SWT1: variants seen among roughly 807,000 people sequenced by gnomAD.
SWT1 encodes the protein SWT1 RNA endoribonuclease homolog.
Under a neutral mutation model 107.3 loss-of-function variants are expected in SWT1, and 33 were observed. That is an observed-to-expected ratio of 0.31 (90% confidence interval 0.23 to 0.41). The LOEUF (loss-of-function observed/expected upper bound fraction) is 0.41, where lower values mean the gene tolerates loss of function less well. SWT1 is among the 10% of genes least tolerant of loss of function. SWT1 has a pLI of 1.00. For missense variants in SWT1, 898 were observed against 1,028.9 expected (o/e 0.87, Z 1.74); for synonymous variants, 345 against 348.3 (o/e 0.99, Z 0.11).
intron 1 of SWT1, among the ~76,000 whole-genome samples, chr1:185,159,695 A>T (rs1261025866): frequency 6.6e-6 from 1 of 152,022 alleles, no homozygotes; most frequent in African/African-American, 2.4e-5. Flanking sequence ...ATGTATATGT[A>T]CATATATATA....
chr1:185,290,670 C>T lies in SWT1; in HGVS notation c.2574-4C>T, dbSNP rs1204113499. ...CAATGATTTAATATTTCTTTTTCTC[C>T]TAGGGAAAAGTTAACCATTGGATGC... is the stretch of plus-strand genomic sequence containing the variant. On this transcript the variant is annotated splice_region_variant and splice_polypyrimidine_tract_variant and intron_variant, in intron 18 of 18. Coordinates refer to ENST00000367500, the MANE Select transcript of SWT1 (RefSeq NM_017673.7). The T allele has an allele frequency of 5.1e-6, 8 of 1,556,698 alleles. No individual in the cohort carries two copies. The East Asian group carries it at 1.4e-4, about 27-fold the overall frequency.
chr1:185,266,762 T>C (rs989399990), intron 16 of SWT1: 8 of 152,140 alleles, frequency 5.3e-5, no homozygotes, highest in Non-Finnish European at 1.2e-4. Flanking sequence ...TAATGCTAAT[T>C]GTTCATGGAT....
chr1:185,207,723 A>G (rs1408238026), intron 13 of SWT1, among the ~76,000 whole-genome samples: 1 of 151,962 alleles, frequency 6.6e-6, no homozygotes, highest in Non-Finnish European at 1.5e-5. Context: ...GCAACATGGT[A>G]AAACTCCCTT....
At chr1:185,170,368 T>C (rs1654942538) in intron 4 of SWT1, among the ~76,000 whole-genome samples, 1 of 152,200 alleles carries the variant, frequency 6.6e-6, no homozygotes, top group Admixed American at 6.5e-5. Flanking sequence ...TTCTCTAGCC[T>C]TTGTACGCAC....
At chr1:185,269,953 G>A (rs1454742137) in intron 16 of SWT1, among the ~76,000 whole-genome samples, 3 of 152,116 alleles carry the variant, frequency 2.0e-5, no homozygotes, top group Non-Finnish European at 4.4e-5. Flanking sequence ...TGGGTTTATC[G>A]GGGTGTATCC....
chr1:185,240,804 G>A (rs955493172), intron 16 of SWT1, among the ~76,000 whole-genome samples: 2 of 151,944 alleles, frequency 1.3e-5, no homozygotes, highest in African/African-American at 4.8e-5. Flanking sequence ...GGTTTTTTGG[G>A]TGTGATTTGC....
At chr1:185,236,851 C>G (rs1014707156) in intron 16 of SWT1, among the ~76,000 whole-genome samples, 6 of 151,904 alleles carry the variant, frequency 3.9e-5, no homozygotes, top group African/African-American at 1.5e-4. Flanking sequence ...ATACAAAGAA[C>G]TTAAATAGAT....
chr1:185,236,373 A>AT (rs1660876294), intron 16 of SWT1, among the ~76,000 whole-genome samples: 1 of 152,230 alleles, frequency 6.6e-6, no homozygotes, highest in Non-Finnish European at 1.5e-5. Context: ...AAACAGAGAC[A>AT]TAGACCAATG....
At chr1:185,160,798 A>G (rs1213768021) in intron 1 of SWT1, 35 bp from the exon 2 acceptor site, 2 of 1,507,524 alleles carry the variant, frequency 1.3e-6, no homozygotes, top group Admixed American at 4.0e-5. Context: ...TTTTGAGTGC[A>G]AAAACAAATC....
At chr1:185,219,417 C>G (rs1198484629) in intron 14 of SWT1, among the ~76,000 whole-genome samples, 1 of 152,056 alleles carries the variant, frequency 6.6e-6, no homozygotes, top group Non-Finnish European at 1.5e-5. Flanking sequence ...AAGTACATAA[C>G]AAATGCTCAA....
intron 7 of SWT1, 164 bp downstream of exon 7, chr1:185,182,221 T>A (rs1182437539): frequency 2.0e-5 from 6 of 305,272 alleles, no homozygotes; most frequent in African/African-American, 1.1e-4. Context: ...TTAGATCCAA[T>A]ATTTGTCTTA....
At chr1:185,235,769 G>T (rs913365257) in intron 16 of SWT1, among the ~76,000 whole-genome samples, 26 of 152,302 alleles carry the variant, frequency 1.7e-4, no homozygotes, top group African/African-American at 5.3e-4. Flanking sequence ...AATTGTCTCC[G>T]TTTGCAGATG....
At chr1:185,204,259 A>G (rs1658125760) in intron 11 of SWT1, among the ~76,000 whole-genome samples, 1 of 152,114 alleles carries the variant, frequency 6.6e-6, no homozygotes, top group Non-Finnish European at 1.5e-5. Flanking sequence ...CCTGGGCAAC[A>G]GAGCGAGACT....
intron 4 of SWT1, among the ~76,000 whole-genome samples, chr1:185,174,016 G>A (rs891704464): frequency 1.3e-5 from 2 of 151,942 alleles, no homozygotes; most frequent in African/African-American, 4.8e-5. Context: ...GTGAGAACCC[G>A]TCTCAAAAAA....
At chr1:185,198,991 A>T (rs1657642694) in intron 10 of SWT1, among the ~76,000 whole-genome samples, 2 of 147,690 alleles carry the variant, frequency 1.4e-5, no homozygotes, top group Admixed American at 1.4e-4. Flanking sequence ...AGCCTGGAGT[A>T]CAGTGGTGAG....
At chr1:185,216,437 C>T (rs2102507262) in intron 14 of SWT1, among the ~76,000 whole-genome samples, 1 of 152,032 alleles carries the variant, frequency 6.6e-6, no homozygotes, top group Admixed American at 6.5e-5. Flanking sequence ...ATGGAAAGTG[C>T]AAGATACTTA....
In SWT1 at chr1:185,174,399, A is replaced by G. The variant is rs966175917; in HGVS notation, c.252A>G (p.Arg84=). 55 of 1,577,958 alleles carry G rather than the reference A, an allele frequency of 3.5e-5. No homozygotes were observed. The highest frequency in any genetic ancestry group is 4.6e-5 in the Non-Finnish European group (54 of 1,167,504). Residue 84 remains arginine (R), a synonymous_variant, in exon 5 of 19, where the codon AGA becomes AGG. Coordinates refer to ENST00000367500, the MANE Select transcript of SWT1 (RefSeq NM_017673.7). ...TGAGTGTAGAAATTGACACTCTCAG[A>G]AGGAGACCAAAAATCGGTTCTTCAT... The part of the protein sequence containing the change: ...KRLSVEIDTL[R]RRPKIGSSSQ...
rs1293849398 is a variant in SWT1, at chr1:185,194,421, T to C, written c.1523+3779T>C. Among the ~76,000 whole-genome samples the C allele has an allele frequency of 2.0e-5, 3 of 152,180 alleles. No individual in the cohort carries two copies. The South Asian group carries it at 6.2e-4, about 31-fold the overall frequency. On this transcript the variant is annotated intron_variant, in intron 10 of 18. Transcript: ENST00000367500. Reference sequence around the variant, plus strand: ...TTTGTCCCCATTATTTACTTATTTATACTTTTTTGAAAAAAACTTCTTATG... The same window carrying C: ...TTTGTCCCCATTATTTACTTATTTACACTTTTTTGAAAAAAACTTCTTATG...
intron 4 of SWT1, among the ~76,000 whole-genome samples, chr1:185,169,529 G>A (rs1447886031): frequency 6.6e-6 from 1 of 151,962 alleles, no homozygotes; most frequent in South Asian, 2.1e-4. Flanking sequence ...TTGGAAAGGC[G>A]GTTACAGTGC....
Sources: allele counts gnomAD v4.1 joint callset (sites outside exome capture counted in the v4.1 genomes callset), GRCh38; gene constraint gnomAD v4.1.1; transcripts MANE v1.5; gene names NCBI Gene and HGNC (gene_info 2026-07-23, HGNC 2026-07-21).